The following OR9Q1 variants were observed in gnomAD, a reference collection of about 807,000 sequenced individuals.
OR9Q1 encodes olfactory receptor 9Q1.
For synonymous variants in OR9Q1, 153 were observed against 148.6 expected (o/e 1.03, Z -0.22); for missense variants, 374 against 378.8 (o/e 0.99, Z 0.11).
intron 2 of OR9Q1, among the ~76,000 whole-genome samples, chr11:58,078,979 T>C (rs947511888): frequency 6.6e-6 from 1 of 152,248 alleles, no homozygotes; most frequent in African/African-American, 2.4e-5. Context: ...CTCAATCTCA[T>C]TTCTTTTTCC....
chr11:58,161,170 C>T (rs1362131112), intron 2 of OR9Q1, among the ~76,000 whole-genome samples: 1 of 150,604 alleles, frequency 6.6e-6, no homozygotes, highest in African/African-American at 2.4e-5. Context: ...TGCAGCAAAC[C>T]AACATGGCAC....
At chr11:58,151,101 C>A (rs1854346904) in intron 2 of OR9Q1, among the ~76,000 whole-genome samples, 1 of 152,154 alleles carries the variant, frequency 6.6e-6, no homozygotes, top group Admixed American at 6.5e-5. Context: ...ATGCCACATG[C>A]AAGTTAAGGA....
chr11:58,029,488 C>A (rs1853008187), intron 1 of OR9Q1, among the ~76,000 whole-genome samples: 1 of 152,154 alleles, frequency 6.6e-6, no homozygotes, highest in South Asian at 2.1e-4. Context: ...ATAGACCTCA[C>A]TTTTGGATGG....
chr11:58,120,053 G>A (rs1471964418), intron 2 of OR9Q1, among the ~76,000 whole-genome samples: 1 of 152,138 alleles, frequency 6.6e-6, no homozygotes, highest in Non-Finnish European at 1.5e-5. Flanking sequence ...TATTCAATGG[G>A]CAGTAAAAAA....
chr11:58,159,838 T>C (rs1351357607), intron 2 of OR9Q1, among the ~76,000 whole-genome samples: 1 of 152,228 alleles, frequency 6.6e-6, no homozygotes, highest in South Asian at 2.1e-4. Context: ...AAGATACTCA[T>C]ACCAAATTAC....
chr11:58,043,757 G>A (rs1041848777), intron 1 of OR9Q1, among the ~76,000 whole-genome samples: 3 of 152,172 alleles, frequency 2.0e-5, no homozygotes, highest in Admixed American at 1.3e-4. Flanking sequence ...TTGTTCCAAC[G>A]TGCTTTCACA....
At chr11:58,045,155 A>C (rs1026828369) in intron 1 of OR9Q1, 1 of 152,174 alleles carries the variant, frequency 6.6e-6, no homozygotes, top group Non-Finnish European at 1.5e-5. Flanking sequence ...AATCTGAAAA[A>C]ATCTGAAATC....
intron 2 of OR9Q1, among the ~76,000 whole-genome samples, chr11:58,066,547 G>A (rs1395158052): frequency 6.6e-6 from 1 of 152,130 alleles, no homozygotes; most frequent in Non-Finnish European, 1.5e-5. Context: ...GATATCTTCA[G>A]CGTTCTCCAG....
intron 2 of OR9Q1, among the ~76,000 whole-genome samples, chr11:58,090,093 C>G (rs1007505665): frequency 1.3e-5 from 2 of 152,192 alleles, no homozygotes; most frequent in Non-Finnish European, 2.9e-5. Context: ...CATCTGCAAA[C>G]AGAGACAATT....
chr11:58,178,075 G>A lies in OR9Q1; in HGVS notation c.-14-1356G>A, dbSNP rs184481059. Among the ~76,000 whole-genome samples the A allele has an allele frequency of 1.1e-4, 17 of 152,294 alleles. No homozygotes were observed. In the East Asian group the frequency reaches 1.5e-3, roughly 14 times the overall value. On this transcript the variant is annotated intron_variant, in intron 2 of 2. Transcript: ENST00000335397. ...TAATTCAATACGTCTGGAGAGAAGCGTGAGAGGGTGAAGTGTGGCTGTGGG... is the reference window on the plus strand; with the variant it reads ...TAATTCAATACGTCTGGAGAGAAGCATGAGAGGGTGAAGTGTGGCTGTGGG...
chr11:58,053,609 A>AAATATATATATATAT (rs1853291419), intron 1 of OR9Q1, among the ~76,000 whole-genome samples: 2 of 68,746 alleles, frequency 2.9e-5, no homozygotes, highest in African/African-American at 4.9e-5. Context: ...AATAAAATTA[A>AAATATATATATATAT]AAAATATATA....
chr11:58,169,990 C>A (rs1018813874), intron 2 of OR9Q1, among the ~76,000 whole-genome samples: 1 of 151,876 alleles, frequency 6.6e-6, no homozygotes, highest in East Asian at 1.9e-4. Context: ...GTTTTTGAAC[C>A]CTCTCAGTGA....
intron 2 of OR9Q1, among the ~76,000 whole-genome samples, chr11:58,154,524 C>T (rs1313144694): frequency 2.0e-5 from 3 of 152,062 alleles, no homozygotes; most frequent in Non-Finnish European, 1.5e-5. Flanking sequence ...AGAGAGATGG[C>T]TTTCCTTCAT....
At chr11:58,098,307 T>C (rs1853751181) in intron 2 of OR9Q1, among the ~76,000 whole-genome samples, 1 of 152,202 alleles carries the variant, frequency 6.6e-6, no homozygotes, top group African/African-American at 2.4e-5. Flanking sequence ...TCAGATTCTA[T>C]TTCTTCTTGT....
intron 2 of OR9Q1, among the ~76,000 whole-genome samples, chr11:58,059,051 C>T (rs1021436755): frequency 6.6e-6 from 1 of 152,158 alleles, no homozygotes; most frequent in Non-Finnish European, 1.5e-5. Flanking sequence ...CCTCATTTTT[C>T]CCTCTCTGGC....
intron 1 of OR9Q1, among the ~76,000 whole-genome samples, chr11:58,035,824 A>C (rs990856427): frequency 7.5e-6 from 1 of 132,800 alleles, no homozygotes; most frequent in African/African-American, 2.8e-5. Context: ...AGATGCAAAA[A>C]CAATGCAGAG....
At chr11:58,163,892 C>G (rs1045512051) in intron 2 of OR9Q1, among the ~76,000 whole-genome samples, 1 of 152,190 alleles carries the variant, frequency 6.6e-6, no homozygotes, top group Non-Finnish European at 1.5e-5. Context: ...TTCAGGCTCC[C>G]TTAACCATTC....
intron 2 of OR9Q1, among the ~76,000 whole-genome samples, chr11:58,140,323 G>T (rs531204330): frequency 6.6e-6 from 1 of 152,170 alleles, no homozygotes; most frequent in African/African-American, 2.4e-5. Context: ...GGCTTTTGTT[G>T]CCATTGCTTT....
At chr11:58,131,576 G>A (rs916293506) in intron 2 of OR9Q1, among the ~76,000 whole-genome samples, 4 of 151,788 alleles carry the variant, frequency 2.6e-5, no homozygotes, top group African/African-American at 9.7e-5. Flanking sequence ...CGTTTGTGGA[G>A]GTTTCTCCTT....
Sources: allele counts gnomAD v4.1 joint callset (sites outside exome capture counted in the v4.1 genomes callset), GRCh38; gene constraint gnomAD v4.1.1; transcripts MANE v1.5; gene names NCBI Gene and HGNC (gene_info 2026-07-23, HGNC 2026-07-21).